The following MTAP variants were observed in gnomAD, a reference collection of about 807,000 sequenced individuals.
MTAP encodes the protein S-methyl-5'-thioadenosine phosphorylase.
In MTAP, 33 loss-of-function variants were observed where a neutral mutation model predicts 33.6. The ratio of observed to expected loss-of-function variants is 0.98; its 90% CI spans 0.74 to 1.31. MTAP has a LOEUF of 1.31. MTAP is among the 40% of genes most tolerant of loss of function. The probability of loss-of-function intolerance (pLI) is 0.00; values close to 1 mark genes in which losing one functional copy is unlikely to be tolerated. For missense variants in MTAP, 367 were observed against 360.0 expected (o/e 1.02, Z -0.16); for synonymous variants, 148 against 125.7 (o/e 1.18, Z -1.19).
intron 1 of MTAP, among the ~76,000 whole-genome samples, chr9:21,877,272 T>A (rs901428866): frequency 1.3e-5 from 2 of 152,022 alleles, no homozygotes; most frequent in Non-Finnish European, 2.9e-5. Flanking sequence ...GAGACTGGGG[T>A]TTTCTATATA....
intron 1 of MTAP, among the ~76,000 whole-genome samples, chr9:21,902,726 A>G (rs2118808861): frequency 6.6e-6 from 1 of 152,316 alleles, no homozygotes; most frequent in East Asian, 1.9e-4. Flanking sequence ...TCTTGGATCA[A>G]TTTAACTTGG....
rs138849306 is a variant in MTAP, at chr9:21,931,033, G to C, written c.173G>C (p.Ser58Thr). Reference sequence around the variant, plus strand: ...ATGATCAAGTTCCAGATGATCCTCAGTGAGGGATACCATCCTTTCAATATT... The same window carrying C: ...ATGATCAAGTTCCAGATGATCCTCACTGAGGGATACCATCCTTTCAATATT... The change falls in exon 2 of 2, where the codon AGT becomes ACT. Residue 58 changes from serine to threonine, a missense_variant. Coordinates refer to the MTAP transcript ENST00000577563. 8.2e-4 allele frequency: 628 copies of C among 764,124 alleles called. 3 individuals are homozygous for C. Among genetic ancestry groups the C allele is most frequent in the African/African-American group, 3.6e-3 (211 of 59,202 alleles). 47.3% of individuals were successfully genotyped at this position (764,124 alleles called of 1,614,324 possible). A position where few individuals can be genotyped will look rare whatever the true frequency, so the allele number is the denominator to read the frequency against.
intron 4 of MTAP, among the ~76,000 whole-genome samples, chr9:21,828,079 T>C (rs1038660556): frequency 3.3e-5 from 5 of 152,204 alleles, no homozygotes; most frequent in African/African-American, 1.2e-4. Flanking sequence ...AAGAAAGCAG[T>C]TGGGTCAGAA....
At chr9:21,887,099 G>T (rs1426913544) in intron 1 of MTAP, among the ~76,000 whole-genome samples, 2 of 151,866 alleles carry the variant, frequency 1.3e-5, no homozygotes, top group Non-Finnish European at 2.9e-5. Context: ...TTGTTTGTGT[G>T]ATCTATGATT....
At position 21,929,176 on chromosome 9, in the gene MTAP, A is replaced by G. The variant is rs113783852; in HGVS notation, c.148-1832A>G. Among the ~76,000 whole-genome samples the G allele has an allele frequency of 4.9e-4, 74 of 152,230 alleles. 1 individual carries two copies. The highest frequency in any genetic ancestry group is 1.7e-3 in the African/African-American group (71 of 41,554). ...ACATCATGCCTGGGTGAAGTCATGG[A>G]AAGGCCATGCAACACCAGAGCCAGA... On this transcript the variant is annotated intron_variant, in intron 1 of 1. Coordinates refer to the MTAP transcript ENST00000577563.
chr9:21,814,442 A>G (rs1017103071), intron 1 of MTAP, among the ~76,000 whole-genome samples: 2 of 152,210 alleles, frequency 1.3e-5, no homozygotes, highest in African/African-American at 4.8e-5. Flanking sequence ...GTCACTTCGC[A>G]TTAATTAGGT....
At chr9:21,810,851 G>A (rs1285494473) in intron 1 of MTAP, among the ~76,000 whole-genome samples, 2 of 152,168 alleles carry the variant, frequency 1.3e-5, no homozygotes, top group African/African-American at 2.4e-5. Context: ...TGTCAGAGAT[G>A]GAGACCCCAG....
At chr9:21,919,318 C>A (rs1236292683) in intron 1 of MTAP, among the ~76,000 whole-genome samples, 1 of 152,126 alleles carries the variant, frequency 6.6e-6, no homozygotes, top group East Asian at 1.9e-4. Context: ...TTCCCCACTC[C>A]CTCTGTCCCT....
Position 21,885,430 on chromosome 9 carries a change from ATTT to A in MTAP, c.147+30567_147+30569del, listed in dbSNP as rs371437736. On this transcript the variant is annotated intron_variant, in intron 1 of 1. Transcript: ENST00000577563. ...TCTGGGGTGGGGCCCAATAATTTGC[ATTT>A]TTTTTTATTTCAATAGTTTTTGGGG... Among the ~76,000 whole-genome samples the A allele has an allele frequency of 1.8e-3, 272 of 151,348 alleles. 1 individual carries two copies. Among genetic ancestry groups the A allele is most frequent in the African/African-American group, 6.2e-3 (254 of 41,278 alleles).
intron 5 of MTAP, among the ~76,000 whole-genome samples, chr9:21,838,337 C>T (rs1408004759): frequency 6.6e-6 from 1 of 152,212 alleles, no homozygotes; most frequent in Non-Finnish European, 1.5e-5. Flanking sequence ...AGGATCAAAT[C>T]TCTGCTCTTC....
chr9:21,878,977 A>G (rs1826050906), intron 1 of MTAP, among the ~76,000 whole-genome samples: 2 of 152,304 alleles, frequency 1.3e-5, no homozygotes, highest in Admixed American at 1.3e-4. Context: ...ATGTCCAATT[A>G]TGTGGTCAAT....
chr9:21,878,212 C>T (rs1425148984), intron 1 of MTAP, among the ~76,000 whole-genome samples: 1 of 151,758 alleles, frequency 6.6e-6, no homozygotes, highest in Non-Finnish European at 1.5e-5. Flanking sequence ...TCTCCTTTGT[C>T]ATTTCTGATT....
chr9:21,811,309 T>C (rs986491235), intron 1 of MTAP, among the ~76,000 whole-genome samples: 6 of 152,210 alleles, frequency 3.9e-5, no homozygotes, highest in South Asian at 2.1e-4. Context: ...CTAGAAGAAA[T>C]AGACAGAGTA....
rs1487153378 is a variant in MTAP, at chr9:21,863,264, A to G, written c.*1250A>G. On this transcript the variant is annotated 3_prime_UTR_variant, in exon 8 of 8. Coordinates refer to ENST00000644715, the MANE Select transcript of MTAP (RefSeq NM_002451.4). ...GAGTTGGTAATTTTTGCTTTTTAAT[A>G]AAGTGGAAGCTTGCTTTTTTAACTC... 4.1e-6 allele frequency: 4 copies of G among 983,038 alleles called. No individual in the cohort carries two copies. The highest frequency in any genetic ancestry group is 2.3e-4 in the East Asian group (2 of 8,828). 60.9% of individuals were successfully genotyped at this position (983,038 alleles called of 1,614,324 possible). A position where few individuals can be genotyped will look rare whatever the true frequency, so the allele number is the denominator to read the frequency against.
chr9:21,812,553 C>T (rs73429341), intron 1 of MTAP, among the ~76,000 whole-genome samples: 72 of 152,338 alleles, frequency 4.7e-4, no homozygotes, highest in African/African-American at 1.7e-3. Flanking sequence ...CTAGAATTAA[C>T]TGGACTGAGG....
chr9:21,878,527 A>C (rs1421288056), intron 1 of MTAP, among the ~76,000 whole-genome samples: 1 of 152,014 alleles, frequency 6.6e-6, no homozygotes, highest in Non-Finnish European at 1.5e-5. Context: ...GAGACTGGCT[A>C]ATTTTTGTAT....
chr9:21,876,519 T>G (rs990384136), intron 1 of MTAP, among the ~76,000 whole-genome samples: 1 of 152,186 alleles, frequency 6.6e-6, no homozygotes, highest in Non-Finnish European at 1.5e-5. Context: ...ATTTAAGTCT[T>G]TAATCCATCT....
intron 1 of MTAP, among the ~76,000 whole-genome samples, chr9:21,898,284 T>C (rs199842644): frequency 6.6e-6 from 1 of 152,060 alleles, no homozygotes; most frequent in Admixed American, 6.6e-5. Flanking sequence ...AAACCCTAGA[T>C]GAAAACCTAG....
downstream of MTAP, chr9:21,935,963 G>T (rs1157261846): frequency 6.6e-6 from 1 of 152,150 alleles, no homozygotes; most frequent in Non-Finnish European, 1.5e-5. Flanking sequence ...ACATCTAGAA[G>T]TGCAAAGTAT....
Sources: allele counts gnomAD v4.1 joint callset (sites outside exome capture counted in the v4.1 genomes callset), GRCh38; gene constraint gnomAD v4.1.1; transcripts MANE v1.5; gene names NCBI Gene and HGNC (gene_info 2026-07-23, HGNC 2026-07-21).